Variants in FAM186A observed in about 807,000 individuals in gnomAD.
The protein encoded by FAM186A is family with sequence similarity 186 member A, also known as protein FAM186A.
In FAM186A, 163 loss-of-function variants were observed where a neutral mutation model predicts 216.8. The observed-to-expected ratio is 0.75, with a 90% CI of 0.66 to 0.86. FAM186A has a LOEUF of 0.86. Ranked by LOEUF, FAM186A falls within the 40% of genes least tolerant of loss-of-function variation. The probability of loss-of-function intolerance (pLI) is 0.00; values close to 1 mark genes in which losing one functional copy is unlikely to be tolerated. For missense variants in FAM186A, 2,184 were observed against 2,746.2 expected (o/e 0.80, Z 4.58); for synonymous variants, 805 against 1,025.3 (o/e 0.79, Z 4.10).
At position 50,352,738 on chromosome 12, in the gene FAM186A, G is replaced by A. The variant is rs773324393; in HGVS notation, c.4094C>T (p.Pro1365Leu). ...CATCCCCAAGGCCTGAGCGTGCTGAGGGGTGAGAGGGATCCCCAGTTCCTG... is the reference window on the plus strand; with the variant it reads ...CATCCCCAAGGCCTGAGCGTGCTGAAGGGTGAGAGGGATCCCCAGTTCCTG... ...QAQELGIPLT[P>L]QHAQALGMPL... The change falls in exon 4 of 8, where the codon CCT becomes CTT. Residue 1365 changes from proline to leucine, a missense_variant. Coordinates refer to ENST00000327337, the MANE Select transcript of FAM186A (RefSeq NM_001145475.3). 5 of 1,542,166 alleles carry A rather than the reference G, an allele frequency of 3.2e-6. No individual in the cohort carries two copies. In the African/African-American group the frequency reaches 7.0e-5, roughly 22 times the overall value.
chr12:50,331,744 G>A lies in FAM186A; in HGVS notation c.6774C>T (p.Thr2258=). ...IIEEKQIPAS[T]TFVQKPFLKL... Reference sequence around the variant, plus strand: ...TTAAGAATGGCTTTTGAACAAATGTGGTAGAGGCAGGTATCTGCTTTTCTT... The same window carrying A: ...TTAAGAATGGCTTTTGAACAAATGTAGTAGAGGCAGGTATCTGCTTTTCTT... Residue 2258 remains threonine, a synonymous_variant, in exon 6 of 8, where the codon ACC becomes ACT. Transcript: ENST00000327337. 6.5e-7 allele frequency: 1 copy of A among 1,549,632 alleles called. No individual in the cohort carries two copies. Among genetic ancestry groups the A allele is most frequent in the Non-Finnish European group, 8.7e-7 (1 of 1,146,416 alleles).
chr12:50,363,949 A>T (rs1226503060), intron 1 of FAM186A, among the ~76,000 whole-genome samples: 11 of 152,304 alleles, frequency 7.2e-5, no homozygotes, highest in African/African-American at 1.9e-4. Context: ...GAAGAGAAAG[A>T]ATTTTATCAG....
chr12:50,359,582 A>C (rs4479066), intron 3 of FAM186A, among the ~76,000 whole-genome samples: 147,219 of 151,966 alleles, frequency 0.97, 71,450 homozygotes, highest in Non-Finnish European at 1. Flanking sequence ...CTACCCCCCC[A>C]AAAAAAATGG....
At chr12:50,358,020 C>T (rs1196330342) in intron 3 of FAM186A, among the ~76,000 whole-genome samples, 43 of 152,012 alleles carry the variant, frequency 2.8e-4, no homozygotes, top group Admixed American at 2.8e-3. Context: ...AGAAATCATA[C>T]AAAGTATGTT....
chr12:50,343,576 A>G (rs1478261018), intron 4 of FAM186A, among the ~76,000 whole-genome samples: 1 of 151,886 alleles, frequency 6.6e-6, no homozygotes, highest in Non-Finnish European at 1.5e-5. Flanking sequence ...AGCTGGGACT[A>G]CAGCGAACCC....
At chr12:50,379,509 G>A (rs138342416) in intron 1 of FAM186A, among the ~76,000 whole-genome samples, 3,942 of 150,570 alleles carry the variant, frequency 0.026, 72 homozygotes, top group Non-Finnish European at 0.044. Context: ...AGCACAGGCC[G>A]GGCTCAGTGG....
chr12:50,331,781 G>T lies in FAM186A; in HGVS notation c.6737C>A (p.Pro2246His). 1 of 1,545,106 alleles carries T rather than the reference G, an allele frequency of 6.5e-7. No homozygotes were observed. The highest frequency in any genetic ancestry group is 8.7e-7 in the Non-Finnish European group (1 of 1,145,602). The stretch of plus-strand genomic sequence containing the variant: ...TATCTGCTTTTCTTCGATGATTAAG[G>T]GGATAGGTTGACTAAGATTCAATTC... ...IHELNLSQPI[P>H]LIIEEKQIPA... The change falls in exon 6 of 8, where the codon CCC becomes CAC. Residue 2246 changes from proline (P) to histidine (H), a missense_variant. By Grantham distance (77) the Pro-to-His change is moderately conservative (BLOSUM62 -2). Transcript: ENST00000327337.
intron 3 of FAM186A, among the ~76,000 whole-genome samples, chr12:50,357,516 A>G (rs73109707): frequency 3.2e-4 from 46 of 142,386 alleles, no homozygotes; most frequent in Non-Finnish European, 2.6e-4. Context: ...AAAAAAAAAA[A>G]AAGACACACA....
intron 1 of FAM186A, among the ~76,000 whole-genome samples, chr12:50,393,468 G>A (rs1023807738): frequency 4.0e-5 from 6 of 151,834 alleles, no homozygotes; most frequent in African/African-American, 1.5e-4. Context: ...CTTGAGCCTG[G>A]GAGGCGGAGG....
intron 3 of FAM186A, among the ~76,000 whole-genome samples, chr12:50,360,392 T>G (rs1301769249): frequency 1.5e-5 from 1 of 66,240 alleles, no homozygotes; most frequent in Non-Finnish European, 3.5e-5. Context: ...AATAAAGCTG[T>G]TTTTTTTTTT....
chr12:50,364,205 AG>A (rs1384868200), intron 1 of FAM186A, among the ~76,000 whole-genome samples: 3 of 151,906 alleles, frequency 2.0e-5, no homozygotes, highest in African/African-American at 7.3e-5. Context: ...GAATTCATGT[AG>A]GAAAAAAAAA....
At position 50,331,742 on chromosome 12, in the gene FAM186A, G is replaced by C; in HGVS notation, c.6776C>G (p.Thr2259Arg). Residue 2259 changes from threonine to arginine, a missense_variant, in exon 6 of 8, where the codon ACA (threonine) becomes AGA (arginine). By Grantham distance (71) the Thr-to-Arg change is moderately conservative. This residue lies in a region of FAM186A where 721 missense variants were observed against 816.4 expected (regional missense o/e 0.88). Transcript: ENST00000327337. ...IEEKQIPAST[T>R]FVQKPFLKLL... The stretch of plus-strand genomic sequence containing the variant: ...TTTTAAGAATGGCTTTTGAACAAAT[G>C]TGGTAGAGGCAGGTATCTGCTTTTC... The C allele has an allele frequency of 6.5e-7, 1 of 1,549,908 alleles. No individual in the cohort carries two copies. Among genetic ancestry groups the C allele is most frequent in the Non-Finnish European group, 8.7e-7 (1 of 1,146,562 alleles).
chr12:50,331,402 G>C (rs1942655019), intron 6 of FAM186A, among the ~76,000 whole-genome samples: 1 of 152,126 alleles, frequency 6.6e-6, no homozygotes, highest in Non-Finnish European at 1.5e-5. Context: ...ACTATGCCGG[G>C]CTAATTTTGT....
intron 4 of FAM186A, among the ~76,000 whole-genome samples, chr12:50,340,380 T>A (rs1221105069): frequency 1.3e-5 from 2 of 152,150 alleles, no homozygotes; most frequent in Non-Finnish European, 2.9e-5. Flanking sequence ...CTAATCCCTG[T>A]ACCTAACACA....
intron 1 of FAM186A, among the ~76,000 whole-genome samples, chr12:50,372,990 GGAAGGAAT>G (rs1191550056): frequency 7.9e-4 from 18 of 22,882 alleles, no homozygotes; most frequent in East Asian, 1.4e-3. Flanking sequence ...GAGGAAGGAA[GGAAGGAAT>G]GAAAGAAAGA....
intron 1 of FAM186A, among the ~76,000 whole-genome samples, chr12:50,391,733 G>A (rs1943359068): frequency 6.6e-6 from 1 of 152,160 alleles, no homozygotes; most frequent in African/African-American, 2.4e-5. Context: ...TGCCTCCCAA[G>A]TAGCTGGGAT....
At position 50,354,489 on chromosome 12, in the gene FAM186A, A is replaced by G. The variant is rs185277596; in HGVS notation, c.2343T>C (p.Tyr781=). ...AKSESSTLLS[Y]ESTDPVINNL... is the part of the protein sequence containing the mutation. ...TGTTAATTACTGGATCTGTGCTCTC[A>G]TATGAGAGGAGGGTACTGCTTTCAG... Residue 781 remains tyrosine (Y), a synonymous_variant, in exon 4 of 8, where the codon TAT becomes TAC. Coordinates refer to ENST00000327337, the MANE Select transcript of FAM186A (RefSeq NM_001145475.3). The G allele has an allele frequency of 8.9e-4, 1,377 of 1,551,662 alleles. 30 individuals carry two copies. In the Admixed American group the frequency reaches 0.025, roughly 29 times the overall value.
intron 1 of FAM186A, among the ~76,000 whole-genome samples, chr12:50,381,162 G>A (rs531041713): frequency 6.6e-6 from 1 of 152,292 alleles, no homozygotes; most frequent in Non-Finnish European, 1.5e-5. Context: ...CTCCCCGAAG[G>A]GCCACAGCTC....
Position 50,351,599 on chromosome 12 carries a change from G to A in FAM186A, c.5233C>T (p.Pro1745Ser). The change falls in exon 4 of 8, where the codon CCT (proline) becomes TCT (serine). Residue 1745 changes from proline to serine, a missense_variant. By Grantham distance (74) the Pro-to-Ser change is moderately conservative. Around this residue, in one of 7 missense-constraint regions of FAM186A, gnomAD observed 721 missense variants for 816.4 expected, o/e 0.88. Transcript: ENST00000327337. ...SLRLSLASSA[P>S]TAEKSSIFGV... ...AATATAGAGGACTTCTCAGCAGTAG[G>A]AGCTGATGATGCCAGGGACAGCCTA... 1 of 1,551,454 alleles carries A rather than the reference G, an allele frequency of 6.4e-7. No individual in the cohort carries two copies.
Sources: gnomAD v4.1 joint callset for allele counts (sites outside exome capture counted in the v4.1 genomes callset) on GRCh38, gnomAD v4.1.1 for gene constraint, gnomAD v4.1.1 regional missense constraint, MANE v1.5 for transcripts, NCBI Gene and HGNC (gene_info 2026-07-23, HGNC 2026-07-21) for gene names.